Variants in RBM41 observed in about 807,000 individuals in gnomAD.
RBM41 encodes RNA binding motif protein 41.
A neutral mutation model predicts 30.8 loss-of-function variants in RBM41; 14 were observed. That is an observed-to-expected ratio of 0.45 (90% CI 0.30 to 0.71). RBM41 has a LOEUF of 0.71. RBM41 is among the 30% of genes least tolerant of loss of function. RBM41 has a pLI of 0.08. For missense variants in RBM41, 276 were observed against 326.3 expected, an observed-to-expected ratio of 0.85 and a Z score of 1.19; for synonymous variants, 120 against 110.1, an observed-to-expected ratio of 1.09 and a Z score of -0.56.
At chrX:107,059,236 CAT>C (rs1280922465), downstream of RBM41, among the ~76,000 whole-genome samples, 2 of 109,725 alleles carry the variant, frequency 1.8e-5, no homozygotes, top group Non-Finnish European at 3.8e-5. Context: ...AGGATTTTAA[CAT>C]ATTAATTTTG....
At chrX:107,059,635 G>A (rs1023685732), downstream of RBM41, among the ~76,000 whole-genome samples, 5 of 111,599 alleles carry the variant, frequency 4.5e-5, no homozygotes, top group African/African-American at 1.6e-4. Flanking sequence ...CCAGGTTTTT[G>A]CTATTACGAT....
At chrX:107,104,401 T>C (rs1348603502) in intron 5 of RBM41, among the ~76,000 whole-genome samples, 1 of 111,330 alleles carries the variant, frequency 9.0e-6, no homozygotes, top group Non-Finnish European at 1.9e-5. Flanking sequence ...GATGGTAATA[T>C]AATGGTTCTT....
At chrX:107,108,800 C>G (rs747782565) in intron 5 of RBM41, among the ~76,000 whole-genome samples, 1 of 111,031 alleles carries the variant, frequency 9.0e-6, no homozygotes, top group South Asian at 3.8e-4. Context: ...AAACCAGCAG[C>G]CTATCTGAAA....
intron 5 of RBM41, among the ~76,000 whole-genome samples, chrX:107,109,862 T>C (rs1045995318): frequency 1.8e-5 from 2 of 111,471 alleles, no homozygotes; most frequent in Non-Finnish European, 3.8e-5. Context: ...TCATTGACTG[T>C]TTGGTAGAGT....
chrX:107,062,867 T>C lies in RBM41; in HGVS notation c.*4660A>G, dbSNP rs1174198915. Among the ~76,000 whole-genome samples the C allele has an allele frequency of 3.6e-5, 4 of 112,203 alleles. No individual in the cohort carries two copies. Among genetic ancestry groups the C allele is most frequent in the African/African-American group, 1.3e-4 (4 of 30,890 alleles). On this transcript the variant is annotated 3_prime_UTR_variant, in exon 8 of 8. Coordinates refer to ENST00000685964, the MANE Select transcript of RBM41 (RefSeq NM_001324242.2). ...AAAAATGTATTCATACTATACATAT[T>C]TCTGCATCTTGTTTATTAACTTAAT...
intron 6 of RBM41, among the ~76,000 whole-genome samples, chrX:107,077,239 C>G (rs1397305637): frequency 4.5e-5 from 5 of 110,983 alleles, no homozygotes; most frequent in Non-Finnish European, 9.4e-5. Context: ...TCAAGCGATT[C>G]TCCTGCCACA....
chrX:107,060,636 T>C (rs189987736), downstream of RBM41, among the ~76,000 whole-genome samples: 838 of 111,264 alleles, frequency 7.5e-3, 10 homozygotes, highest in African/African-American at 0.025. Flanking sequence ...CTCCATTTTT[T>C]TTTATTGTTG....
chrX:107,094,737 C>T (rs1326122630), intron 5 of RBM41, among the ~76,000 whole-genome samples: 1 of 111,002 alleles, frequency 9.0e-6, no homozygotes, highest in Non-Finnish European at 1.9e-5. Flanking sequence ...GCAAGAAGGT[C>T]AGAGACAGAA....
chrX:107,106,960 GTA>G (rs2147725305), intron 5 of RBM41, among the ~76,000 whole-genome samples: 1 of 110,795 alleles, frequency 9.0e-6, no homozygotes, highest in East Asian at 2.9e-4. Flanking sequence ...CATGGCACAT[GTA>G]TACATATGTA....
intron 5 of RBM41, chrX:107,112,909 G>C: frequency 3.1e-6 from 1 of 324,333 alleles, no homozygotes; most frequent in Non-Finnish European, 6.0e-6. Flanking sequence ...ACAGCATGAG[G>C]GAGTTTTTTA....
intron 5 of RBM41, among the ~76,000 whole-genome samples, chrX:107,098,559 G>C (rs1391232014): frequency 1.8e-5 from 2 of 111,323 alleles, no homozygotes; most frequent in African/African-American, 6.5e-5. Flanking sequence ...TAACAGTCTA[G>C]ACATTTTCAA....
chrX:107,082,862 T>C (rs1020650856), intron 6 of RBM41, among the ~76,000 whole-genome samples: 3 of 111,356 alleles, frequency 2.7e-5, no homozygotes, highest in Non-Finnish European at 5.7e-5. Context: ...AATATCACTG[T>C]TACTCATTTC....
intron 6 of RBM41, among the ~76,000 whole-genome samples, chrX:107,087,905 T>C (rs1490654205): frequency 8.9e-6 from 1 of 112,450 alleles, no homozygotes; most frequent in Non-Finnish European, 1.9e-5. Context: ...CCTGGCCTTG[T>C]TGGACAATTT....
chrX:107,061,565 A>AT (rs1412238717), downstream of RBM41, among the ~76,000 whole-genome samples: 1 of 111,399 alleles, frequency 9.0e-6, no homozygotes, highest in Non-Finnish European at 1.9e-5. Flanking sequence ...TTGTCCTTTG[A>AT]TTTTTTAAAA....
chrX:107,109,467 T>C (rs962962024), intron 5 of RBM41, among the ~76,000 whole-genome samples: 17 of 111,749 alleles, frequency 1.5e-4, no homozygotes, highest in Admixed American at 1.1e-3. Flanking sequence ...TTTTAGAAAT[T>C]TGAGTCTTCT....
chrX:107,066,906 A>G lies in RBM41; in HGVS notation c.*621T>C. 1 of 742,756 alleles carries G rather than the reference A, an allele frequency of 1.3e-6. No individual in the cohort carries two copies. The highest frequency in any genetic ancestry group is 1.6e-6 in the Non-Finnish European group (1 of 628,920). The allele number at this position is 742,756 out of a possible 1,213,427, so 61.2% of individuals were successfully genotyped here. ...GGTTGCTAGCTTAAATGGCTGTGAGAACACCAACATTTTGATCTAAAATAT... is the reference window on the plus strand; with the variant it reads ...GGTTGCTAGCTTAAATGGCTGTGAGGACACCAACATTTTGATCTAAAATAT... On this transcript the variant is annotated 3_prime_UTR_variant, in exon 8 of 8. Coordinates refer to ENST00000685964, the MANE Select transcript of RBM41 (RefSeq NM_001324242.2).
At chrX:107,097,452 C>T (rs1352526021) in intron 5 of RBM41, among the ~76,000 whole-genome samples, 1 of 111,251 alleles carries the variant, frequency 9.0e-6, no homozygotes, top group East Asian at 2.8e-4. Flanking sequence ...GCGGTTTCCC[C>T]TATGCTGTTC....
At chrX:107,058,059 C>T (rs915256970), downstream of RBM41, among the ~76,000 whole-genome samples, 60 of 110,074 alleles carry the variant, frequency 5.5e-4, no homozygotes, top group African/African-American at 1.9e-3. Context: ...TTAGGGAGGC[C>T]GAGGCGGGTG....
intron 6 of RBM41, among the ~76,000 whole-genome samples, chrX:107,070,829 C>G (rs1936030830): frequency 9.1e-6 from 1 of 110,021 alleles, no homozygotes; most frequent in Admixed American, 9.7e-5. Flanking sequence ...TGAGATCAGT[C>G]TGGGCAACAC....
Sources: allele counts gnomAD v4.1 joint callset (sites outside exome capture counted in the v4.1 genomes callset), GRCh38; gene constraint gnomAD v4.1.1; transcripts MANE v1.5; gene names NCBI Gene and HGNC (gene_info 2026-07-23, HGNC 2026-07-21).